The following MYO16 variants were observed in gnomAD, a reference collection of about 807,000 sequenced individuals.
The protein encoded by MYO16 is unconventional myosin-XVI.
MYO16 carries 94 observed loss-of-function variants against 205.3 expected under a neutral mutation model. That is an observed-to-expected ratio of 0.46 (90% CI 0.39 to 0.54). The LOEUF is 0.54. Ranked by LOEUF, MYO16 falls within the 20% of genes least tolerant of loss-of-function variation. The pLI is 0.00. For synonymous variants in MYO16, 988 were observed against 954.0 expected (o/e 1.04, Z -0.66); for missense variants, 2,315 against 2,387.5 (o/e 0.97, Z 0.63).
At chr13:109,064,269 C>G (rs1047124155) in intron 27 of MYO16, among the ~76,000 whole-genome samples, 1 of 152,176 alleles carries the variant, frequency 6.6e-6, no homozygotes, top group African/African-American at 2.4e-5. Context: ...GTTTGCTTAT[C>G]TCTGCCTTAG....
chr13:108,804,718 G>A (rs1358936957), intron 6 of MYO16, among the ~76,000 whole-genome samples: 1 of 152,132 alleles, frequency 6.6e-6, no homozygotes, highest in East Asian at 1.9e-4. Context: ...TTCAATTAGG[G>A]TTTTCATTTG....
At chr13:108,684,859 C>G (rs561349017) in intron 2 of MYO16, among the ~76,000 whole-genome samples, 55 of 152,260 alleles carry the variant, frequency 3.6e-4, no homozygotes, top group African/African-American at 1.1e-3. Context: ...AAGCTCCATG[C>G]CTGGCCCCAG....
At chr13:108,949,794 C>A (rs1194213999) in intron 16 of MYO16, among the ~76,000 whole-genome samples, 1 of 151,912 alleles carries the variant, frequency 6.6e-6, no homozygotes, top group African/African-American at 2.4e-5. Context: ...TAGAGTAATC[C>A]AGACATTATG....
At chr13:108,559,599 G>A in the MYO16 span, among the ~76,000 whole-genome samples, 291 of 145,906 alleles carry the variant, frequency 2.0e-3, no homozygotes, top group African/African-American at 6.2e-3. Flanking sequence ...ACAGCCTCCC[G>A]AGTAGCTGGG....
chr13:108,727,370 T>C, intron 3 of MYO16, 70 bp from the exon 4 acceptor site: 1 of 1,498,442 alleles, frequency 6.7e-7, no homozygotes, highest in Non-Finnish European at 9.0e-7. Flanking sequence ...TTTTTAAATC[T>C]GTGGACATTT....
At chr13:109,153,313 G>A (rs1226662189) in intron 32 of MYO16, among the ~76,000 whole-genome samples, 1 of 152,150 alleles carries the variant, frequency 6.6e-6, no homozygotes, top group African/African-American at 2.4e-5. Context: ...AAGCCACTGT[G>A]TGCCTTATCC....
At chr13:109,158,885 C>T (rs1440982538) in intron 32 of MYO16, among the ~76,000 whole-genome samples, 1 of 152,148 alleles carries the variant, frequency 6.6e-6, no homozygotes, top group Admixed American at 6.5e-5. Context: ...TTGGAAGAGG[C>T]CTGGGGAAGA....
chr13:109,165,157 T>G, intron 33 of MYO16, 98 bp downstream of exon 33: 1 of 893,874 alleles, frequency 1.1e-6, no homozygotes, highest in Non-Finnish European at 1.7e-6. Flanking sequence ...TGAAGTAGGG[T>G]TAAGAACTGG....
intron 25 of MYO16, among the ~76,000 whole-genome samples, chr13:109,054,524 GAACA>G (rs982049627): frequency 1.6e-4 from 24 of 152,154 alleles, no homozygotes; most frequent in African/African-American, 5.5e-4. Flanking sequence ...TGATAAATAT[GAACA>G]GTTAGTAGCA....
intron 14 of MYO16, among the ~76,000 whole-genome samples, chr13:108,890,917 A>G (rs759729507): frequency 1.3e-5 from 2 of 152,086 alleles, no homozygotes; most frequent in Non-Finnish European, 2.9e-5. Flanking sequence ...TTGAGCATGT[A>G]TCTCTCTCAG....
At chr13:109,012,749 T>G (rs1370838088) in intron 22 of MYO16, among the ~76,000 whole-genome samples, 1 of 148,308 alleles carries the variant, frequency 6.7e-6, no homozygotes, top group Non-Finnish European at 1.5e-5. Context: ...CAGATGAGAT[T>G]TATTTCAAAT....
intron 16 of MYO16, among the ~76,000 whole-genome samples, chr13:108,933,964 G>T (rs543661817): frequency 1.1e-4 from 17 of 152,244 alleles, no homozygotes; most frequent in Admixed American, 5.2e-4. Context: ...GTATTCCATG[G>T]TGTATATGTA....
intron 20 of MYO16, among the ~76,000 whole-genome samples, chr13:108,967,155 A>T: frequency 8.0e-6 from 1 of 124,566 alleles, no homozygotes; most frequent in Admixed American, 7.7e-5. Context: ...GACTATATAT[A>T]TGTGTGTGTG....
In MYO16 at chr13:108,676,332, T is replaced by G. The variant is rs1406553370; in HGVS notation, c.292+10183T>G. On this transcript the variant is annotated intron_variant, in intron 2 of 34. Coordinates refer to ENST00000457511, the MANE Select transcript of MYO16 (RefSeq NM_001198950.3). Reference sequence around the variant, plus strand: ...TTATTAAGGAGCGCTGAGCAATATTTTTATTCATTGTTTTCTGCTAATGTG... The same window carrying G: ...TTATTAAGGAGCGCTGAGCAATATTGTTATTCATTGTTTTCTGCTAATGTG... Among the ~76,000 whole-genome samples, 10 of 152,016 alleles carry G rather than the reference T, an allele frequency of 6.6e-5. No homozygotes were observed. The East Asian group carries it at 1.9e-3, about 29-fold the overall frequency.
At chr13:108,646,011 G>A (rs975320537) in intron 1 of MYO16, among the ~76,000 whole-genome samples, 2 of 152,252 alleles carry the variant, frequency 1.3e-5, no homozygotes, top group Non-Finnish European at 2.9e-5. Context: ...CTTACTCCCA[G>A]CCCTGCCTCA....
intron 1 of MYO16, among the ~76,000 whole-genome samples, chr13:108,642,373 G>A (rs1341499374): frequency 6.6e-6 from 1 of 152,154 alleles, no homozygotes; most frequent in Non-Finnish European, 1.5e-5. Flanking sequence ...CAGATTGAGA[G>A]ACTAGGGCAG....
intron 3 of MYO16, among the ~76,000 whole-genome samples, chr13:108,720,018 G>A (rs1485581563): frequency 6.6e-6 from 1 of 152,178 alleles, no homozygotes; most frequent in African/African-American, 2.4e-5. Flanking sequence ...GTGGTTCGGT[G>A]TTTAGAGTCT....
intron 4 of MYO16, among the ~76,000 whole-genome samples, chr13:108,732,400 A>G (rs1339120786): frequency 6.6e-6 from 1 of 152,232 alleles, no homozygotes; most frequent in Admixed American, 6.5e-5. Context: ...AAGGTCAGGA[A>G]GAAAGGAACA....
At chr13:109,099,463 G>A (rs558413809) in intron 27 of MYO16, among the ~76,000 whole-genome samples, 1 of 152,230 alleles carries the variant, frequency 6.6e-6, no homozygotes, top group East Asian at 1.9e-4. Flanking sequence ...TGACCTAATA[G>A]GAAGGAATAA....
Sources: allele counts gnomAD v4.1 joint callset (sites outside exome capture counted in the v4.1 genomes callset), GRCh38; gene constraint gnomAD v4.1.1; transcripts MANE v1.5; gene names NCBI Gene and HGNC (gene_info 2026-07-23, HGNC 2026-07-21).